ADCY3: variants seen among roughly 807,000 people sequenced by gnomAD.
ADCY3 encodes the protein adenylate cyclase 3, also known as adenylate cyclase type 3.
A neutral mutation model predicts 119.4 loss-of-function variants in ADCY3; 70 were observed. That is an observed-to-expected ratio of 0.59 (90% confidence interval 0.48 to 0.72). ADCY3 has a LOEUF of 0.72. Among genes scored for constraint, ADCY3 ranks in the 30% least tolerant of loss-of-function variants. ADCY3 has a pLI of 0.00. For synonymous variants in ADCY3, 672 were observed against 621.4 expected, an observed-to-expected ratio of 1.08 and a Z score of -1.21; for missense variants, 1,238 against 1,541.6, an observed-to-expected ratio of 0.80 and a Z score of 3.30.
At position 24,918,730 on chromosome 2, in the gene ADCY3, G is replaced by C. The variant is rs1300855018; in HGVS notation, c.258C>G (p.Ala86=). 4 of 1,614,076 alleles carry C rather than the reference G, an allele frequency of 2.5e-6. No individual in the cohort carries two copies. The highest frequency in any genetic ancestry group is 1.1e-5 in the South Asian group (1 of 91,086). ...TGACCACCACGTAGCAGTCAAAGAG[G>C]GCTGCAAAGACCACCAGCACCAGCA... is the stretch of plus-strand genomic sequence containing the variant. ...ETLLVLVVFA[A]LFDCYVVVMC... Residue 86 remains alanine (A), a synonymous_variant, in exon 2 of 22, where the codon GCC becomes GCG. Coordinates refer to ENST00000679454, the MANE Select transcript of ADCY3 (RefSeq NM_004036.5). This position sits in a 1 kb window ranked among gnomAD's most constrained non-coding sequence, Gnocchi z 5.4.
At chr2:24,875,005 C>G (rs528786928) in intron 2 of ADCY3, among the ~76,000 whole-genome samples, 1 of 152,252 alleles carries the variant, frequency 6.6e-6, no homozygotes, top group Admixed American at 6.5e-5. Context: ...GTGGGCTGCA[C>G]AGCAGGTCTT....
intron 2 of ADCY3, among the ~76,000 whole-genome samples, chr2:24,897,681 G>C (rs1469642470): frequency 1.3e-5 from 2 of 152,190 alleles, no homozygotes. Context: ...TTTATGGGGA[G>C]TGTGTTGAAA....
At chr2:24,911,829 A>T (rs1187595765) in intron 2 of ADCY3, among the ~76,000 whole-genome samples, 1 of 152,026 alleles carries the variant, frequency 6.6e-6, no homozygotes, top group Non-Finnish European at 1.5e-5. Flanking sequence ...GATTCCAGGC[A>T]TGAGCTACTG....
chr2:24,820,395 C>T (rs1486984464), intron 21 of ADCY3: 4 of 1,313,700 alleles, frequency 3.0e-6, no homozygotes, highest in Non-Finnish European at 3.9e-6. Flanking sequence ...TGGAAACTGC[C>T]ACTGCCTGCT....
At chr2:24,822,769 G>A in intron 18 of ADCY3, 139 bp from the exon 19 acceptor site, 4 of 1,168,614 alleles carry the variant, frequency 3.4e-6, no homozygotes, top group Non-Finnish European at 3.5e-6. Flanking sequence ...TTAGTCTACC[G>A]CTTATCTGCC....
chr2:24,827,637 C>A, intron 14 of ADCY3, 29 bp from the exon 15 acceptor site: 1 of 1,568,942 alleles, frequency 6.4e-7, no homozygotes, highest in South Asian at 1.2e-5. Flanking sequence ...CACAGTCAGG[C>A]CCCATCTGGG....
chr2:24,840,863 G>A lies in ADCY3; in HGVS notation c.1196+396C>T, dbSNP rs562546778. Among the ~76,000 whole-genome samples the A allele has an allele frequency of 6.6e-5, 10 of 152,366 alleles. No homozygotes were observed. In the South Asian group the frequency reaches 1.0e-3, roughly 16 times the overall value. On this transcript the variant is annotated intron_variant, in intron 6 of 21. Transcript: ENST00000679454. ...CAGGGTCTTACAGTCACTGCATCAC[G>A]AGATGGAGAGGGCAGTGCCTTCGGG...
At chr2:24,873,077 C>T (rs1244577412) in intron 2 of ADCY3, among the ~76,000 whole-genome samples, 2 of 152,256 alleles carry the variant, frequency 1.3e-5, no homozygotes, top group Non-Finnish European at 2.9e-5. Context: ...TGAGCAGACC[C>T]TCTGCCACCC....
At chr2:24,903,198 G>A (rs1247576180) in intron 2 of ADCY3, among the ~76,000 whole-genome samples, 2 of 151,946 alleles carry the variant, frequency 1.3e-5, no homozygotes, top group African/African-American at 4.8e-5. Context: ...TGTGTGGGGG[G>A]CAGCACCCCT....
chr2:24,834,840 T>G lies in ADCY3; in HGVS notation c.1759A>C (p.Asn587His), dbSNP rs1211772426. 6.2e-7 allele frequency: 1 copy of G among 1,613,956 alleles called. No homozygotes were observed. The highest frequency in any genetic ancestry group is 1.1e-5 in the South Asian group (1 of 91,074). ...AGCAGGGCCTCGTTGAGCAGCTGGT[T>G]GAGCTCGTGCTCATCTTCAGAGGCA... ...VDASEDEHEL[N>H]QLLNEALLER... Residue 587 changes from asparagine to histidine, a missense_variant, in exon 10 of 22, where the codon AAC (asparagine) becomes CAC (histidine). This residue lies in a region of ADCY3 where 499 missense variants were observed against 571.0 expected (regional missense o/e 0.87). Coordinates refer to ENST00000679454, the MANE Select transcript of ADCY3 (RefSeq NM_004036.5). The surrounding 1 kb of genome is among the most constrained non-coding windows in gnomAD (Gnocchi z 4.2).
At chr2:24,838,396 A>T (rs1472625553) in intron 8 of ADCY3, 49 bp downstream of exon 8, 1 of 1,195,528 alleles carries the variant, frequency 8.4e-7, no homozygotes, top group African/African-American at 2.4e-5. Flanking sequence ...CAACCCCCTA[A>T]TCCAGGGGTG....
At chr2:24,904,069 A>G (rs1679199051) in intron 2 of ADCY3, among the ~76,000 whole-genome samples, 1 of 152,162 alleles carries the variant, frequency 6.6e-6, no homozygotes, top group African/African-American at 2.4e-5. Context: ...CCAAAGACGG[A>G]GCATAAAGAG....
chr2:24,857,705 T>A (rs952606308), intron 3 of ADCY3, among the ~76,000 whole-genome samples: 20 of 152,316 alleles, frequency 1.3e-4, no homozygotes, highest in African/African-American at 4.8e-4. Flanking sequence ...AGGGTTCGTA[T>A]CTGTGACTGG....
chr2:24,877,122 T>TC (rs1480155441), intron 2 of ADCY3, among the ~76,000 whole-genome samples: 1 of 151,936 alleles, frequency 6.6e-6, no homozygotes, highest in East Asian at 1.9e-4. Flanking sequence ...CTCCCCCATG[T>TC]CCCCCACACA....
chr2:24,917,046 G>A (rs148887941), intron 2 of ADCY3, among the ~76,000 whole-genome samples: 53 of 152,356 alleles, frequency 3.5e-4, no homozygotes, highest in African/African-American at 1.1e-3. Flanking sequence ...CCCTGCCTAT[G>A]TTAACATCCT....
At chr2:24,848,811 G>C (rs1187481791) in intron 3 of ADCY3, among the ~76,000 whole-genome samples, 1 of 152,220 alleles carries the variant, frequency 6.6e-6, no homozygotes, top group Admixed American at 6.5e-5. Flanking sequence ...AAGTTGGCCA[G>C]AAGTTTTTAG....
chr2:24,824,586 A>T, intron 16 of ADCY3, 50 bp from the exon 17 acceptor site: 1 of 1,591,524 alleles, frequency 6.3e-7, no homozygotes, highest in Non-Finnish European at 8.6e-7. Flanking sequence ...GCCACTGGAT[A>T]GAAGGATGAA....
chr2:24,836,220 C>T (rs551353259), intron 9 of ADCY3, among the ~76,000 whole-genome samples: 15 of 152,214 alleles, frequency 9.9e-5, no homozygotes, highest in African/African-American at 3.1e-4. Flanking sequence ...AAGAAAACTG[C>T]AACAAGGAAA....
chr2:24,906,711 T>G (rs1679482171), intron 2 of ADCY3, among the ~76,000 whole-genome samples: 1 of 152,220 alleles, frequency 6.6e-6, no homozygotes, highest in South Asian at 2.1e-4. Context: ...GCAGCAAATA[T>G]GTACCAAATG....
Sources: allele counts gnomAD v4.1 joint callset (sites outside exome capture counted in the v4.1 genomes callset), GRCh38; gene constraint gnomAD v4.1.1; regional missense constraint gnomAD v4.1.1; non-coding constraint Gnocchi (gnomAD v3.1); transcripts MANE v1.5; gene names NCBI Gene and HGNC (gene_info 2026-07-23, HGNC 2026-07-21).